NALF1: variants seen among roughly 807,000 people sequenced by gnomAD.
NALF1 encodes NALCN channel auxiliary factor 1.
NALF1 carries 3 observed loss-of-function variants against 48.4 expected under a neutral mutation model. That is an observed-to-expected ratio of 0.06 (90% CI 0.03 to 0.16). The LOEUF (loss-of-function observed/expected upper bound fraction) is 0.16. Ranked by LOEUF, NALF1 falls within the 10% of genes least tolerant of loss-of-function variation. The pLI is 1.00. For missense variants in NALF1, 526 were observed against 571.5 expected (o/e 0.92, Z 0.81); for synonymous variants, 262 against 245.7 (o/e 1.07, Z -0.62).
intron 1 of NALF1, among the ~76,000 whole-genome samples, chr13:107,644,569 T>C (rs1880252393): frequency 6.7e-6 from 1 of 150,016 alleles, no homozygotes; most frequent in South Asian, 2.1e-4. Context: ...TAGTTAATTT[T>C]AGCATCACAG....
intron 1 of NALF1, among the ~76,000 whole-genome samples, chr13:107,409,963 T>A (rs1883961633): frequency 6.6e-6 from 1 of 152,214 alleles, no homozygotes; most frequent in African/African-American, 2.4e-5. Context: ...TCCTATCTAC[T>A]GATTAAGCAT....
At chr13:107,289,749 T>C (rs748870725) in intron 1 of NALF1, among the ~76,000 whole-genome samples, 6 of 152,216 alleles carry the variant, frequency 3.9e-5, no homozygotes, top group Non-Finnish European at 5.9e-5. Flanking sequence ...AGCTATTTCC[T>C]GGATGAATTC....
At chr13:107,225,815 GCACACACACGCACGCA>G (rs900266850) in intron 1 of NALF1, among the ~76,000 whole-genome samples, 1 of 151,932 alleles carries the variant, frequency 6.6e-6, no homozygotes, top group African/African-American at 2.4e-5. Context: ...CTCGCCATAT[GCACACACACGCACGCA>G]CACACACACG....
intron 1 of NALF1, among the ~76,000 whole-genome samples, chr13:107,562,994 G>A (rs78038967): frequency 1.6e-3 from 247 of 152,308 alleles, no homozygotes; most frequent in African/African-American, 5.4e-3. Flanking sequence ...GAATTCAGAG[G>A]TTGGAAGGCT....
At chr13:107,457,146 G>A (rs1255513941) in intron 1 of NALF1, among the ~76,000 whole-genome samples, 2 of 152,132 alleles carry the variant, frequency 1.3e-5, no homozygotes, top group Non-Finnish European at 2.9e-5. Flanking sequence ...ATGAATAAAT[G>A]CTGCCTTAAC....
chr13:107,353,693 T>G (rs768060444), intron 1 of NALF1, among the ~76,000 whole-genome samples: 1 of 152,192 alleles, frequency 6.6e-6, no homozygotes, highest in Non-Finnish European at 1.5e-5. Context: ...TGTGAGATAA[T>G]AAATTTGTGT....
chr13:107,441,399 C>A (rs1368047376), intron 1 of NALF1, among the ~76,000 whole-genome samples: 1 of 152,136 alleles, frequency 6.6e-6, no homozygotes, highest in African/African-American at 2.4e-5. Context: ...ATAAAATGAG[C>A]AAATGGCCTA....
rs1447572474 is a variant in NALF1, at chr13:107,599,077, AAATTTTCACAAC to A, written c.915+266593_915+266604del. ...TTTACTGAACATTTGTGTTGTTTCC[AAATTTTCACAAC>A]AAAGATGCCTCAAGGAATTTCTTTA... On this transcript the variant is annotated intron_variant, in intron 1 of 2. Transcript: ENST00000375915. 1.7e-4 allele frequency among the ~76,000 whole-genome samples: 26 copies of A among 152,302 alleles called. No homozygotes were observed. The East Asian group carries it at 4.2e-3, about 25-fold the overall frequency.
intron 1 of NALF1, among the ~76,000 whole-genome samples, chr13:107,490,610 G>A (rs145669179): frequency 0.017 from 2,545 of 152,148 alleles, 75 homozygotes; most frequent in African/African-American, 0.052. Context: ...TAACTAATGG[G>A]TACGAGGCTT....
At chr13:107,508,321 C>G (rs1277782671) in intron 1 of NALF1, among the ~76,000 whole-genome samples, 2 of 151,222 alleles carry the variant, frequency 1.3e-5, no homozygotes, top group East Asian at 3.9e-4. Flanking sequence ...TTGATATACT[C>G]ATGTATATTA....
intron 1 of NALF1, among the ~76,000 whole-genome samples, chr13:107,634,574 C>T (rs1879924397): frequency 6.6e-6 from 1 of 151,966 alleles, no homozygotes; most frequent in African/African-American, 2.4e-5. Context: ...GGAAGTGGGA[C>T]TTCAGCTAAT....
At chr13:107,679,085 T>C (rs1881208380) in intron 1 of NALF1, among the ~76,000 whole-genome samples, 2 of 152,228 alleles carry the variant, frequency 1.3e-5, no homozygotes, top group South Asian at 4.1e-4. Context: ...TCCATTGTTC[T>C]GACTTTTCTC....
At chr13:107,209,765 G>GT (rs1879721633) in intron 2 of NALF1, among the ~76,000 whole-genome samples, 1 of 151,996 alleles carries the variant, frequency 6.6e-6, no homozygotes. Context: ...AAAACAAAAC[G>GT]TGCTACAGCT....
chr13:107,535,320 T>C (rs1479417238), intron 1 of NALF1, among the ~76,000 whole-genome samples: 2 of 152,110 alleles, frequency 1.3e-5, no homozygotes, highest in Non-Finnish European at 2.9e-5. Flanking sequence ...TGTGGGTTTG[T>C]CATAAATAGC....
chr13:107,344,570 G>T (rs770479621), intron 1 of NALF1, among the ~76,000 whole-genome samples: 39 of 152,106 alleles, frequency 2.6e-4, no homozygotes, highest in South Asian at 1.2e-3. Context: ...ATCAACCAAA[G>T]AACACAAATC....
At chr13:107,291,512 C>T (rs891000710) in intron 1 of NALF1, among the ~76,000 whole-genome samples, 5 of 150,838 alleles carry the variant, frequency 3.3e-5, no homozygotes, top group Admixed American at 1.3e-4. Context: ...AAATGAACTT[C>T]ATGTTTAGAC....
At chr13:107,732,998 T>C (rs79299095) in intron 1 of NALF1, among the ~76,000 whole-genome samples, 5,656 of 152,258 alleles carry the variant, frequency 0.037, 250 homozygotes, top group African/African-American at 0.1. Context: ...TGGGTAAACA[T>C]ATTGTGCTAA....
At chr13:107,385,561 A>AAAAC (rs1883515168) in intron 1 of NALF1, among the ~76,000 whole-genome samples, 1 of 28,246 alleles carries the variant, frequency 3.5e-5, no homozygotes, top group African/African-American at 1.1e-4. Flanking sequence ...TCAAAAAAAA[A>AAAAC]AAAAAAAAAA....
chr13:107,599,421 CAAAAA>C (rs59715915), intron 1 of NALF1, among the ~76,000 whole-genome samples: 1 of 122,258 alleles, frequency 8.2e-6, no homozygotes. Context: ...GACTCCGTCT[CAAAAA>C]AAAAAAAAAA....
Sources: allele counts gnomAD v4.1 joint callset (sites outside exome capture counted in the v4.1 genomes callset), GRCh38; gene constraint gnomAD v4.1.1; transcripts MANE v1.5; gene names NCBI Gene and HGNC (gene_info 2026-07-23, HGNC 2026-07-21).